The following SNX32 variants were observed in gnomAD, a reference collection of about 807,000 sequenced individuals.
SNX32 encodes sorting nexin 32, also known as sorting nexin-32.
In SNX32, 58 loss-of-function variants were observed where a neutral mutation model predicts 57.0. That is an observed-to-expected ratio of 1.02 (90% CI 0.82 to 1.27). The LOEUF (loss-of-function observed/expected upper bound fraction) is 1.27, where lower values mean the gene tolerates loss of function less well. Among genes scored for constraint, SNX32 ranks in the 50% most tolerant of loss-of-function variants. The pLI, the probability that SNX32 is intolerant of heterozygous loss-of-function variation, is 0.00. For missense variants in SNX32, 589 were observed against 541.2 expected, an observed-to-expected ratio of 1.09 and a Z score of -0.88; for synonymous variants, 262 against 220.4, an observed-to-expected ratio of 1.19 and a Z score of -1.67.
chr11:65,853,102 GC>G, intron 12 of SNX32, 144 bp downstream of exon 12: 1 of 1,268,308 alleles, frequency 7.9e-7, no homozygotes. Context: ...CCCAGCTAAG[GC>G]TTGGGGCCAT....
At chr11:65,838,473 C>T (rs1858733191) in intron 1 of SNX32, among the ~76,000 whole-genome samples, 1 of 152,150 alleles carries the variant, frequency 6.6e-6, no homozygotes, top group Non-Finnish European at 1.5e-5. Context: ...GATCCTCCCA[C>T]CTCAGCCTTC....
At chr11:65,851,735 G>T (rs537640502) in intron 9 of SNX32, 56 bp downstream of exon 9, 1 of 1,583,036 alleles carries the variant, frequency 6.3e-7, no homozygotes, top group East Asian at 2.2e-5. Flanking sequence ...CAGGGAAGAT[G>T]AGTCCTGGCA....
chr11:65,849,731 T>C (rs1368893877), intron 2 of SNX32, 149 bp downstream of exon 2: 1 of 813,792 alleles, frequency 1.2e-6, no homozygotes, highest in Non-Finnish European at 2.0e-6. Context: ...AGTGAGCCTC[T>C]TAGCTCTGCC....
chr11:65,843,604 A>C (rs985823034), intron 1 of SNX32, among the ~76,000 whole-genome samples: 2 of 152,232 alleles, frequency 1.3e-5, no homozygotes, highest in African/African-American at 4.8e-5. Flanking sequence ...TGGATTATAG[A>C]TACAACTGCA....
rs766109234 is a variant in SNX32 at position 65,850,449 on chromosome 11, T to C, written c.393T>C (p.Phe131=). ...CTCGCAGGGAGTACCTGGCCATCTT[T>C]AAGAAGACAGTTGCGATGCACGAAG... ...QELEAEYLAI[F]KKTVAMHEVF... Residue 131 remains phenylalanine, a synonymous_variant, in exon 5 of 13, where the codon TTT becomes TTC. Coordinates refer to ENST00000308342, the MANE Select transcript of SNX32 (RefSeq NM_152760.3). The C allele has an allele frequency of 1.9e-6, 3 of 1,614,048 alleles. No homozygotes were observed. In the East Asian group the frequency reaches 6.7e-5, roughly 36 times the overall value.
In SNX32 at chr11:65,850,525, TTCTTTGTG is replaced by T. The variant is rs755875911; in HGVS notation, c.471_478del (p.Val159GlyfsTer30). On this transcript the variant is annotated frameshift_variant, in exon 5 of 13. Coordinates refer to ENST00000308342, the MANE Select transcript of SNX32 (RefSeq NM_152760.3). LOFTEE classifies it high-confidence loss of function. Reference sequence around the variant, plus strand: ...CCCCACCCTGCGTCGAGACCACAACTTCTTTGTGTTTTTGGAATATGGACAGGATGTGA... The same window carrying T: ...CCCCACCCTGCGTCGAGACCACAACTTTTTTGGAATATGGACAGGATGTGA... 6.2e-7 allele frequency: 1 copy of T among 1,612,514 alleles called. No homozygotes were observed. Among genetic ancestry groups the T allele is most frequent in the Non-Finnish European group, 8.5e-7 (1 of 1,179,208 alleles).
rs762539744 is a variant in SNX32 at position 65,852,802 on chromosome 11, C to G, written c.1072+13C>G. ...TCCGCCAAGCAAGGTGAGCCCGCAGCCCCCAGCCCCAGCCTGGGGCCACAT... is the reference window on the plus strand; with the variant it reads ...TCCGCCAAGCAAGGTGAGCCCGCAGGCCCCAGCCCCAGCCTGGGGCCACAT... On this transcript the variant is annotated intron_variant, in intron 11 of 12. Transcript: ENST00000308342. The G allele has an allele frequency of 6.2e-7, 1 of 1,609,816 alleles. No individual in the cohort carries two copies. The highest frequency in any genetic ancestry group is 8.5e-7 in the Non-Finnish European group (1 of 1,177,066).
In SNX32 at chr11:65,852,923, A is replaced by G. The variant is rs375482473; in HGVS notation, c.1123A>G (p.Ile375Val). 1.4e-5 allele frequency: 22 copies of G among 1,613,894 alleles called. No individual in the cohort carries two copies. Among genetic ancestry groups the G allele is most frequent in the Non-Finnish European group, 1.9e-5 (22 of 1,179,980 alleles). ...GGTCTCCTCTTTTCGAAAGAATCTC[A>G]TTGAGCTGGCAGAGCTGGAGCTCAA... is the stretch of plus-strand genomic sequence containing the variant. Reference protein sequence around the residue: ...RRVSSFRKNLIELAELELKHA... With the variant: ...RRVSSFRKNLVELAELELKHA... The change falls in exon 12 of 13, where the codon ATT becomes GTT. Residue 375 changes from isoleucine (I) to valine (V), a missense_variant. Transcript: ENST00000308342.
intron 1 of SNX32, among the ~76,000 whole-genome samples, chr11:65,839,292 G>C (rs1379100157): frequency 1.7e-5 from 2 of 114,366 alleles, no homozygotes; most frequent in African/African-American, 3.4e-5. Flanking sequence ...TGCAGTGGCG[G>C]GATCTCGGCT....
chr11:65,839,096 T>C (rs534254847), intron 1 of SNX32, among the ~76,000 whole-genome samples: 1 of 151,392 alleles, frequency 6.6e-6, no homozygotes, highest in South Asian at 2.1e-4. Flanking sequence ...TTGCCCAGGC[T>C]GGAGTGCAGT....
intron 1 of SNX32, among the ~76,000 whole-genome samples, chr11:65,838,569 C>T (rs1223584302): frequency 2.0e-5 from 3 of 152,000 alleles, no homozygotes; most frequent in African/African-American, 7.3e-5. Flanking sequence ...TTAGAACAAG[C>T]AGACAAAAAA....
intron 2 of SNX32, 27 bp from the exon 3 acceptor site, chr11:65,849,893 G>A: frequency 2.6e-6 from 4 of 1,531,618 alleles, no homozygotes; most frequent in Non-Finnish European, 3.5e-6. Context: ...GCAGAGAGAG[G>A]ACCTCAGTTG....
In SNX32 at chr11:65,853,271, C is replaced by T; in HGVS notation, c.1159-11C>T. The T allele has an allele frequency of 6.2e-7, 1 of 1,614,058 alleles. No individual in the cohort carries two copies. The highest frequency in any genetic ancestry group is 8.5e-7 in the Non-Finnish European group (1 of 1,179,960). ...AGCAGGGGACTTCAAGGACCTGTTTCTCCTCTGCAGGCCAGCACCCTGATT... is the reference window on the plus strand; with the variant it reads ...AGCAGGGGACTTCAAGGACCTGTTTTTCCTCTGCAGGCCAGCACCCTGATT... On this transcript the variant is annotated splice_polypyrimidine_tract_variant and intron_variant, in intron 12 of 12. Coordinates refer to ENST00000308342, the MANE Select transcript of SNX32 (RefSeq NM_152760.3).
Position 65,849,573 on chromosome 11 carries a change from TCAAA to T in SNX32, c.137_140del (p.Thr46ArgfsTer73), listed in dbSNP as rs753170145. The T allele has an allele frequency of 5.2e-5, 84 of 1,613,914 alleles. No individual in the cohort carries two copies. Among genetic ancestry groups the T allele is most frequent in the African/African-American group, 1.7e-4 (13 of 74,938 alleles). On this transcript the variant is annotated frameshift_variant, in exon 2 of 13. Coordinates refer to ENST00000308342, the MANE Select transcript of SNX32 (RefSeq NM_152760.3). LOFTEE classifies it high-confidence loss of function. ...AGCGGGACAAGGTGAAATTCACTGT[TCAAA>T]CAAAGGTGAGGCAGTGCGGGGCACG...
At chr11:65,834,968 G>A (rs1201234057) in intron 1 of SNX32, among the ~76,000 whole-genome samples, 1 of 149,524 alleles carries the variant, frequency 6.7e-6, no homozygotes, top group Non-Finnish European at 1.5e-5. Flanking sequence ...GCCTGTGTAT[G>A]ATCTGTGTAT....
intron 9 of SNX32, among the ~76,000 whole-genome samples, chr11:65,851,987 G>A (rs544471906): frequency 3.3e-5 from 5 of 152,208 alleles, no homozygotes; most frequent in Admixed American, 6.5e-5. Flanking sequence ...CACACTGCCC[G>A]GGCACACATG....
rs143952155 is a variant in SNX32 at position 65,849,051 on chromosome 11, G to A, written c.37-427G>A. 9.8e-3 allele frequency among the ~76,000 whole-genome samples: 1,497 copies of A among 152,306 alleles called. 23 individuals are homozygous for A. The highest frequency in any genetic ancestry group is 0.033 in the African/African-American group (1,392 of 41,560). The stretch of plus-strand genomic sequence containing the variant: ...CCCAGCTACTCGGGAGGCTGAGGCA[G>A]CAGAATCGCTTGAACCCGGGAGGTG... On this transcript the variant is annotated intron_variant, in intron 1 of 12. Coordinates refer to ENST00000308342, the MANE Select transcript of SNX32 (RefSeq NM_152760.3).
At position 65,852,775 on chromosome 11, in the gene SNX32, A is replaced by T; in HGVS notation, c.1058A>T (p.Asp353Val). 6.2e-7 allele frequency: 1 copy of T among 1,607,934 alleles called. No individual in the cohort carries two copies. The highest frequency in any genetic ancestry group is 1.3e-5 in the African/African-American group (1 of 74,084). ...LCCQRFERLS[D>V]SAKQELMDFK... ...TGCCAACGCTTCGAGCGCCTCTCCG[A>T]CTCCGCCAAGCAAGGTGAGCCCGCA... Residue 353 changes from aspartate (D) to valine (V), a missense_variant, in exon 11 of 13, where the codon GAC becomes GTC. Physicochemically the swap from Asp to Val is radical, Grantham distance 152. Transcript: ENST00000308342.
intron 1 of SNX32, among the ~76,000 whole-genome samples, chr11:65,839,706 C>T (rs1195096456): frequency 2.0e-5 from 3 of 148,264 alleles, no homozygotes; most frequent in Admixed American, 1.4e-4. Flanking sequence ...GCACTCTAGC[C>T]TGGGTGACAC....
Sources: gnomAD v4.1 joint callset for allele counts (sites outside exome capture counted in the v4.1 genomes callset) on GRCh38, gnomAD v4.1.1 for gene constraint, MANE v1.5 for transcripts, NCBI Gene and HGNC (gene_info 2026-07-23, HGNC 2026-07-21) for gene names.